The following SGCD variants were observed in gnomAD, a reference collection of about 807,000 sequenced individuals.
SGCD encodes sarcoglycan delta.
Under a neutral mutation model 36.6 loss-of-function variants are expected in SGCD, and 18 were observed. That is an observed-to-expected ratio of 0.49 (90% CI 0.34 to 0.73). SGCD has a LOEUF of 0.73. Among genes scored for constraint, SGCD ranks in the 30% least tolerant of loss-of-function variants. The pLI is 0.01. For missense variants in SGCD, 387 were observed against 346.7 expected (o/e 1.12, Z -0.92); for synonymous variants, 133 against 130.6 (o/e 1.02, Z -0.12).
intron 3 of SGCD, among the ~76,000 whole-genome samples, chr5:156,423,327 T>TTATTATAATATAATATATTA (rs1227828526): frequency 0.016 from 419 of 26,696 alleles, 5 homozygotes; most frequent in East Asian, 0.13. Context: ...ATAATATATT[T>TTATTATAATATAATATATTA]TATTATAATA....
chr5:156,285,417 C>T (rs185061358), intron 3 of SGCD, among the ~76,000 whole-genome samples: 3 of 152,204 alleles, frequency 2.0e-5, no homozygotes, highest in African/African-American at 7.2e-5. Flanking sequence ...TACCTGACTT[C>T]AAACAATACT....
intron 3 of SGCD, among the ~76,000 whole-genome samples, chr5:156,203,086 G>A (rs1764191380): frequency 6.6e-6 from 1 of 152,024 alleles, no homozygotes. Context: ...TTTAAATTAA[G>A]AATATCCCAG....
chr5:156,139,946 C>G (rs989836339), intron 3 of SGCD, among the ~76,000 whole-genome samples: 3 of 152,188 alleles, frequency 2.0e-5, no homozygotes, highest in Admixed American at 6.5e-5. Flanking sequence ...GAAGTGCTCT[C>G]TGTCATTTCA....
intron 7 of SGCD, among the ~76,000 whole-genome samples, chr5:156,743,750 A>G (rs180672060): frequency 6.6e-5 from 10 of 152,284 alleles, no homozygotes. Context: ...GTAGAAGCCT[A>G]GAATATTATG....
At chr5:156,544,856 T>C (rs918351923) in intron 4 of SGCD, among the ~76,000 whole-genome samples, 3 of 152,198 alleles carry the variant, frequency 2.0e-5, no homozygotes, top group African/African-American at 7.2e-5. Context: ...AACTGGATGT[T>C]AATAACATCA....
At chr5:155,973,636 G>A (rs554462233) in intron 1 of SGCD, among the ~76,000 whole-genome samples, 98 of 152,214 alleles carry the variant, frequency 6.4e-4, no homozygotes, top group African/African-American at 2.3e-3. Context: ...TATATGATGC[G>A]CAGAATGAAA....
chr5:156,328,017 G>A (rs1431014311), intron 1 of SGCD, among the ~76,000 whole-genome samples: 1 of 152,132 alleles, frequency 6.6e-6, no homozygotes, highest in African/African-American at 2.4e-5. Flanking sequence ...GAGACATGAT[G>A]GTGTGAATTT....
chr5:156,478,055 G>C (rs1270272606), intron 3 of SGCD, among the ~76,000 whole-genome samples: 1 of 152,030 alleles, frequency 6.6e-6, no homozygotes, highest in Non-Finnish European at 1.5e-5. Flanking sequence ...TGGTCAGTGG[G>C]AGCTGGGTGC....
intron 4 of SGCD, among the ~76,000 whole-genome samples, chr5:156,553,551 T>G (rs1758882158): frequency 6.6e-6 from 1 of 152,156 alleles, no homozygotes; most frequent in Non-Finnish European, 1.5e-5. Flanking sequence ...TCATCACCAC[T>G]GCCTAATTCC....
At chr5:156,141,461 A>G (rs1426938725) in intron 3 of SGCD, among the ~76,000 whole-genome samples, 1 of 152,230 alleles carries the variant, frequency 6.6e-6, no homozygotes, top group African/African-American at 2.4e-5. Context: ...GCCTGGGCTC[A>G]GGGCCTTGAA....
At chr5:156,709,806 C>T (rs1754903904) in intron 7 of SGCD, among the ~76,000 whole-genome samples, 1 of 150,986 alleles carries the variant, frequency 6.6e-6, no homozygotes, top group East Asian at 2.0e-4. Flanking sequence ...GTTGAAACTT[C>T]TTGGTACTTA....
chr5:155,772,243 G>A, the SGCD span, among the ~76,000 whole-genome samples: 15 of 152,146 alleles, frequency 9.9e-5, no homozygotes, highest in Admixed American at 1.3e-4. Flanking sequence ...TCAGGGGAGG[G>A]ATGCTGACAC....
chr5:156,206,243 T>C (rs2127639053), intron 3 of SGCD, among the ~76,000 whole-genome samples: 1 of 151,964 alleles, frequency 6.6e-6, no homozygotes, highest in East Asian at 1.9e-4. Flanking sequence ...GTACGTACAG[T>C]GGTGTGTTCA....
At chr5:156,155,814 T>C (rs539964075) in intron 3 of SGCD, among the ~76,000 whole-genome samples, 1 of 151,728 alleles carries the variant, frequency 6.6e-6, no homozygotes, top group African/African-American at 2.4e-5. Context: ...GTCAGTGGGC[T>C]TCCTGCCAAG....
the SGCD span, among the ~76,000 whole-genome samples, chr5:155,757,191 A>G: frequency 6.6e-6 from 1 of 152,330 alleles, no homozygotes; most frequent in Non-Finnish European, 1.5e-5. Flanking sequence ...TGCAAGAGAT[A>G]GAGTTTATAG....
intron 3 of SGCD, among the ~76,000 whole-genome samples, chr5:156,388,862 T>C (rs1333106971): frequency 6.6e-6 from 1 of 152,234 alleles, no homozygotes; most frequent in Non-Finnish European, 1.5e-5. Context: ...TTTTGAAATA[T>C]AGAATATCGA....
chr5:156,254,641 G>A (rs1319393083), intron 3 of SGCD, among the ~76,000 whole-genome samples: 1 of 152,116 alleles, frequency 6.6e-6, no homozygotes, highest in African/African-American at 2.4e-5. Context: ...TTGGGCCCAG[G>A]AGTTAGAGAC....
chr5:156,692,118 T>G (rs1253453334), intron 7 of SGCD, among the ~76,000 whole-genome samples: 1 of 152,190 alleles, frequency 6.6e-6, no homozygotes, highest in Non-Finnish European at 1.5e-5. Flanking sequence ...AATCCCAATT[T>G]CCTGAAATAA....
intron 3 of SGCD, among the ~76,000 whole-genome samples, chr5:156,276,154 G>A (rs1766313337): frequency 6.6e-6 from 1 of 152,056 alleles, no homozygotes; most frequent in Non-Finnish European, 1.5e-5. Flanking sequence ...GATACAACCA[G>A]CTTAGCATGC....
Sources: gnomAD v4.1 joint callset for allele counts (sites outside exome capture counted in the v4.1 genomes callset) on GRCh38, gnomAD v4.1.1 for gene constraint, MANE v1.5 for transcripts, NCBI Gene and HGNC (gene_info 2026-07-23, HGNC 2026-07-21) for gene names.